UBXN7: variants seen among roughly 807,000 people sequenced by gnomAD.
UBXN7 encodes UBX domain-containing protein 7.
Under a neutral mutation model 58.0 loss-of-function variants are expected in UBXN7, and 9 were observed. That is an observed-to-expected ratio of 0.16 (90% CI 0.09 to 0.27). The LOEUF (loss-of-function observed/expected upper bound fraction) is 0.27. UBXN7 is among the 10% of genes least tolerant of loss of function. The probability of loss-of-function intolerance (pLI) is 1.00; values close to 1 mark genes in which losing one functional copy is unlikely to be tolerated. For missense variants in UBXN7, 328 were observed against 599.6 expected (o/e 0.55, Z 4.73); for synonymous variants, 208 against 205.0 (o/e 1.01, Z -0.12).
At position 196,381,848 on chromosome 3, in the gene UBXN7, A is replaced by T. The variant is rs117130991; in HGVS notation, c.469-9806T>A. ...ACGAGAACTTCGTGACGCTTGCATA[A>T]GCTTCAATAGCTGATTTGATCAAGT... On this transcript the variant is annotated intron_variant, in intron 5 of 10. Coordinates refer to ENST00000296328, the MANE Select transcript of UBXN7 (RefSeq NM_015562.2). Among the ~76,000 whole-genome samples the T allele has an allele frequency of 3.6e-3, 554 of 152,364 alleles. 20 individuals are homozygous for T. In the South Asian group the frequency reaches 0.075, roughly 20 times the overall value.
At chr3:196,432,285 T>A (rs551152446) in intron 1 of UBXN7, 42 bp downstream of exon 1, 1 of 1,611,324 alleles carries the variant, frequency 6.2e-7, no homozygotes, top group African/African-American at 1.3e-5. Context: ...CGCTGCCCGC[T>A]CCGGACCCCA....
At chr3:196,429,298 G>A (rs1488028564) in intron 1 of UBXN7, among the ~76,000 whole-genome samples, 1 of 151,160 alleles carries the variant, frequency 6.6e-6, no homozygotes, top group African/African-American at 2.4e-5. Context: ...CTGCACTCCA[G>A]CCTGGGTGAC....
intron 9 of UBXN7, among the ~76,000 whole-genome samples, 153 bp downstream of exon 9, chr3:196,362,141 G>T (rs148766488): frequency 1.3e-5 from 2 of 152,124 alleles, no homozygotes; most frequent in African/African-American, 4.8e-5. Context: ...CTATAGGCAC[G>T]TGCCACCACA....
At position 196,374,224 on chromosome 3, in the gene UBXN7, A is replaced by G. The variant is rs530149147; in HGVS notation, c.469-2182T>C. On this transcript the variant is annotated intron_variant, in intron 5 of 10. Transcript: ENST00000296328. ...AAAAACAATGACAAGAAAAAAATGT[A>G]CAAAACTGAAAATGAATAAAAGTCC... is the stretch of plus-strand genomic sequence containing the variant. Among the ~76,000 whole-genome samples, 5 of 152,300 alleles carry G rather than the reference A, an allele frequency of 3.3e-5. No individual in the cohort carries two copies. The East Asian group carries it at 9.6e-4, about 29-fold the overall frequency.
intron 1 of UBXN7, among the ~76,000 whole-genome samples, chr3:196,412,662 T>C (rs1730368683): frequency 6.6e-6 from 1 of 152,082 alleles, no homozygotes; most frequent in Non-Finnish European, 1.5e-5. Flanking sequence ...AGGTAAAACA[T>C]GGAAGCCACC....
chr3:196,430,556 T>C (rs1224273853), intron 1 of UBXN7, among the ~76,000 whole-genome samples: 1 of 151,858 alleles, frequency 6.6e-6, no homozygotes, highest in Non-Finnish European at 1.5e-5. Flanking sequence ...TCCAGCTCAT[T>C]TTCTTATTTC....
At chr3:196,404,160 T>G (rs941187133) in intron 2 of UBXN7, among the ~76,000 whole-genome samples, 1 of 152,076 alleles carries the variant, frequency 6.6e-6, no homozygotes, top group African/African-American at 2.4e-5. Flanking sequence ...TGCTGATTAA[T>G]GTTCACAGCA....
At chr3:196,379,217 G>A (rs539606207) in intron 5 of UBXN7, among the ~76,000 whole-genome samples, 1 of 140,582 alleles carries the variant, frequency 7.1e-6, no homozygotes, top group Non-Finnish European at 1.5e-5. Context: ...GTTGGTTTTG[G>A]GGGGTTTTAG....
intron 1 of UBXN7, among the ~76,000 whole-genome samples, chr3:196,427,976 C>T (rs1051318702): frequency 1.2e-4 from 19 of 152,170 alleles, no homozygotes; most frequent in Admixed American, 2.6e-4. Context: ...ATACAAAAAT[C>T]AGACGGGCAT....
chr3:196,356,891 G>A lies in UBXN7; in HGVS notation c.1309-45C>T, dbSNP rs764747462. 3.2e-6 allele frequency: 5 copies of A among 1,578,506 alleles called. No homozygotes were observed. The South Asian group carries it at 5.9e-5, about 19-fold the overall frequency. On this transcript the variant is annotated intron_variant, in intron 10 of 10. Coordinates refer to ENST00000296328, the MANE Select transcript of UBXN7 (RefSeq NM_015562.2). ...ACAAAGCCATTAGACGGAAAAAGAG[G>A]AAAGAGCATATTAGTGAATTAAATA...
In UBXN7 at chr3:196,432,391, G is replaced by C; in HGVS notation, c.9C>G (p.Ala3=). The change falls in exon 1 of 11, where the codon GCC becomes GCG. Residue 3 remains alanine, a synonymous_variant. Coordinates refer to ENST00000296328, the MANE Select transcript of UBXN7 (RefSeq NM_015562.2). MA[A]HGGSAASSAL... is the part of the protein sequence containing the mutation. Reference sequence around the variant, plus strand: ...CCGAGGACGCCGCGGAGCCCCCGTGGGCAGCCATCTTACCGCCGCCGCCGC... The same window carrying C: ...CCGAGGACGCCGCGGAGCCCCCGTGCGCAGCCATCTTACCGCCGCCGCCGC... The C allele has an allele frequency of 6.3e-7, 1 of 1,593,694 alleles. No homozygotes were observed. Among genetic ancestry groups the C allele is most frequent in the Non-Finnish European group, 8.6e-7 (1 of 1,166,406 alleles).
chr3:196,357,020 G>A (rs1359953465), intron 10 of UBXN7, among the ~76,000 whole-genome samples, 174 bp from the exon 11 acceptor site: 1 of 152,158 alleles, frequency 6.6e-6, no homozygotes, highest in African/African-American at 2.4e-5. Flanking sequence ...TAAACCTTTG[G>A]ACGGGGAGAT....
rs34268326 is a variant in UBXN7 at position 196,386,380 on chromosome 3, TAAA to T, written c.468+5430_468+5432del. 6.0e-3 allele frequency among the ~76,000 whole-genome samples: 348 copies of T among 57,756 alleles called. 3 individuals are homozygous for T. The highest frequency in any genetic ancestry group is 0.023 in the African/African-American group (334 of 14,358). The allele number at this position is 57,756 out of a possible 152,430, so 37.9% of individuals were successfully genotyped here. On this transcript the variant is annotated intron_variant, in intron 5 of 10. Coordinates refer to ENST00000296328, the MANE Select transcript of UBXN7 (RefSeq NM_015562.2). ...ACACCCAAGAATGATTAATAAACAC[TAAA>T]AAAAAAAAAAAAAAAAAAAAAAGGA...
At chr3:196,376,102 G>A (rs187251975) in intron 5 of UBXN7, among the ~76,000 whole-genome samples, 21 of 152,160 alleles carry the variant, frequency 1.4e-4, no homozygotes, top group African/African-American at 3.9e-4. Context: ...GCATAAAGTC[G>A]AGAAGAAAAT....
chr3:196,428,472 A>G (rs1192791270), intron 1 of UBXN7, among the ~76,000 whole-genome samples: 1 of 152,134 alleles, frequency 6.6e-6, no homozygotes, highest in Non-Finnish European at 1.5e-5. Context: ...AAAGAAAAAG[A>G]AATCTCAGAA....
At chr3:196,369,389 G>T in intron 7 of UBXN7, 32 bp downstream of exon 7, 1 of 1,484,936 alleles carries the variant, frequency 6.7e-7, no homozygotes, top group Non-Finnish European at 9.4e-7. Context: ...ACAAGTAATA[G>T]GTTAAAAGCT....
chr3:196,374,746 G>C (rs1421502035), intron 5 of UBXN7, among the ~76,000 whole-genome samples: 2 of 148,700 alleles, frequency 1.3e-5, no homozygotes, highest in Admixed American at 1.3e-4. Context: ...CAGGCATGGT[G>C]GTGGGCACCT....
In UBXN7 at chr3:196,356,516, G is replaced by C. The variant is rs77617475; in HGVS notation, c.*169C>G. ...AACAGAAGAGGAGAAAGAAACAAAGGGGGAGAAAGAGACTGATTATAGGAG... is the reference window on the plus strand; with the variant it reads ...AACAGAAGAGGAGAAAGAAACAAAGCGGGAGAAAGAGACTGATTATAGGAG... On this transcript the variant is annotated 3_prime_UTR_variant, in exon 11 of 11. Transcript: ENST00000296328. The C allele has an allele frequency of 3.0e-6, 2 of 657,774 alleles. No homozygotes were observed. The highest frequency in any genetic ancestry group is 4.9e-6 in the Non-Finnish European group (2 of 409,796). 40.7% of individuals were successfully genotyped at this position (657,774 alleles called of 1,614,324 possible).
intron 5 of UBXN7, 30 bp downstream of exon 5, chr3:196,391,783 A>C (rs559570882): frequency 6.6e-7 from 1 of 1,510,610 alleles, no homozygotes; most frequent in Non-Finnish European, 9.0e-7. Flanking sequence ...AAGGATTCAT[A>C]GTTAAGGCAC....
Sources: allele counts gnomAD v4.1 joint callset (sites outside exome capture counted in the v4.1 genomes callset), GRCh38; gene constraint gnomAD v4.1.1; transcripts MANE v1.5; gene names NCBI Gene and HGNC (gene_info 2026-07-23, HGNC 2026-07-21).